IMMT: variants seen among roughly 807,000 people sequenced by gnomAD.
IMMT encodes inner membrane mitochondrial protein, also known as MICOS complex subunit MIC60.
A neutral mutation model predicts 92.7 loss-of-function variants in IMMT; 40 were observed. The ratio of observed to expected loss-of-function variants is 0.43; its 90% CI spans 0.34 to 0.56. The LOEUF is 0.56. Among genes scored for constraint, IMMT ranks in the 20% least tolerant of loss-of-function variants. The pLI, the probability that IMMT is intolerant of heterozygous loss-of-function variation, is 0.03. For synonymous variants in IMMT, 322 were observed against 336.1 expected, an observed-to-expected ratio of 0.96 and a Z score of 0.46; for missense variants, 831 against 912.1, an observed-to-expected ratio of 0.91 and a Z score of 1.14.
intron 10 of IMMT, 110 bp from the exon 11 acceptor site, chr2:86,153,684 AC>A: frequency 3.3e-6 from 2 of 598,592 alleles, no homozygotes; most frequent in Non-Finnish European, 5.7e-6. Flanking sequence ...GGAGACTAGT[AC>A]CAGGAAAAGC....
At chr2:86,179,376 C>A in intron 3 of IMMT, 57 bp downstream of exon 3, 1 of 1,373,702 alleles carries the variant, frequency 7.3e-7, no homozygotes, top group Admixed American at 2.8e-5. Flanking sequence ...AACATGAAAA[C>A]AACTTGCTTT....
intron 10 of IMMT, among the ~76,000 whole-genome samples, chr2:86,156,985 G>A (rs530644132): frequency 1.5e-4 from 23 of 152,276 alleles, no homozygotes; most frequent in African/African-American, 5.5e-4. Flanking sequence ...TCTCTCAGGT[G>A]CTCACATCTG....
At chr2:86,187,138 A>C (rs1672830683) in intron 1 of IMMT, among the ~76,000 whole-genome samples, 1 of 152,174 alleles carries the variant, frequency 6.6e-6, no homozygotes, top group African/African-American at 2.4e-5. Context: ...AACAACCATC[A>C]CCACTATCTA....
intron 13 of IMMT, among the ~76,000 whole-genome samples, 176 bp from the exon 14 acceptor site, chr2:86,146,373 ATATTT>A (rs1675013068): frequency 9.4e-6 from 1 of 106,270 alleles, no homozygotes; most frequent in Admixed American, 8.7e-5. Flanking sequence ...TGTATATAAT[ATATTT>A]TTTTTTTTTT....
At chr2:86,164,043 A>C (rs1573906980) in intron 7 of IMMT, among the ~76,000 whole-genome samples, 6 of 132,444 alleles carry the variant, frequency 4.5e-5, no homozygotes, top group Non-Finnish European at 6.4e-5. Flanking sequence ...GTGAATTCCC[A>C]CTTTAGTCAT....
chr2:86,183,308 A>AT (rs113518713), intron 1 of IMMT, among the ~76,000 whole-genome samples: 4,570 of 151,940 alleles, frequency 0.03, 209 homozygotes, highest in African/African-American at 0.1. Context: ...TCTTTAAATA[A>AT]TTTTTTTTGT....
intron 8 of IMMT, among the ~76,000 whole-genome samples, chr2:86,161,015 T>C (rs1337981835): frequency 6.6e-6 from 1 of 151,820 alleles, no homozygotes; most frequent in Non-Finnish European, 1.5e-5. Flanking sequence ...GGAGGATGGC[T>C]TGAGCCCGGG....
At chr2:86,164,599 G>T (rs1003635899) in intron 7 of IMMT, among the ~76,000 whole-genome samples, 1 of 149,454 alleles carries the variant, frequency 6.7e-6, no homozygotes, top group Non-Finnish European at 1.5e-5. Flanking sequence ...GCTAAGGCAG[G>T]AGAATTGCTT....
chr2:86,156,298 T>G (rs1172428650), intron 10 of IMMT, among the ~76,000 whole-genome samples: 1 of 152,076 alleles, frequency 6.6e-6, no homozygotes, highest in East Asian at 1.9e-4. Flanking sequence ...ATTTTCATGT[T>G]TTACGATAGG....
intron 6 of IMMT, among the ~76,000 whole-genome samples, chr2:86,167,068 A>G (rs1030971898): frequency 6.8e-6 from 1 of 147,564 alleles, no homozygotes; most frequent in Non-Finnish European, 1.5e-5. Flanking sequence ...ACTGCACTCT[A>G]GCCTGGGCGA....
intron 7 of IMMT, among the ~76,000 whole-genome samples, chr2:86,165,213 A>T (rs1676585775): frequency 6.6e-6 from 1 of 152,206 alleles, no homozygotes; most frequent in African/African-American, 2.4e-5. Context: ...GTAACATGGC[A>T]TTTAAAGCTT....
intron 11 of IMMT, among the ~76,000 whole-genome samples, chr2:86,152,374 G>A (rs189702011): frequency 3.4e-4 from 50 of 146,314 alleles, no homozygotes; most frequent in Non-Finnish European, 1.5e-5. Context: ...CCAGGAGACA[G>A]AGGTTGCAGT....
intron 11 of IMMT, among the ~76,000 whole-genome samples, chr2:86,151,865 A>T (rs1675487946): frequency 6.6e-6 from 1 of 152,234 alleles, no homozygotes; most frequent in Non-Finnish European, 1.5e-5. Context: ...TCTTTCAGGC[A>T]TAACTCTGAT....
Position 86,144,297 on chromosome 2 carries a change from T to C in IMMT, c.2248A>G (p.Ile750Val), listed in dbSNP as rs765770591. The C allele has an allele frequency of 1.7e-5, 27 of 1,613,836 alleles. No individual in the cohort carries two copies. Among genetic ancestry groups the C allele is most frequent in the Non-Finnish European group, 2.3e-5 (27 of 1,179,870 alleles). ...TCTGGCTGCACCTGAGTGGTTCCTA[T>C]TCCTACGGCGCTGGCATATGCTGTC... ...ILTAYASAVG[I>V]GTTQVQPE Residue 750 changes from isoleucine (I) to valine (V), a missense_variant, in exon 15 of 15, where the codon ATA becomes GTA. By Grantham distance (29) the Ile-to-Val change is conservative. Coordinates refer to ENST00000410111, the MANE Select transcript of IMMT (RefSeq NM_006839.3).
chr2:86,194,390 C>T (rs182479406), intron 1 of IMMT, among the ~76,000 whole-genome samples: 1 of 152,318 alleles, frequency 6.6e-6, no homozygotes, highest in East Asian at 1.9e-4. Context: ...GTTCGTTCCA[C>T]TTTCCTATGG....
chr2:86,155,054 G>T (rs1340003990), intron 10 of IMMT, among the ~76,000 whole-genome samples: 1 of 152,094 alleles, frequency 6.6e-6, no homozygotes, highest in East Asian at 1.9e-4. Flanking sequence ...GTAGAGATGG[G>T]GTTTCACCAT....
At position 86,176,434 on chromosome 2, in the gene IMMT, G is replaced by A. The variant is rs372498141; in HGVS notation, c.310-2673C>T. Among the ~76,000 whole-genome samples the A allele has an allele frequency of 6.0e-4, 92 of 152,236 alleles. 1 individual carries two copies. Among genetic ancestry groups the A allele is most frequent in the East Asian group, 5.8e-4 (3 of 5,182 alleles). On this transcript the variant is annotated intron_variant, in intron 3 of 14. Transcript: ENST00000410111. Reference sequence around the variant, plus strand: ...GAGGAAGATGGGAAAGACTGTGTGCGCATGGAGAGCAACAGGCCTAGTTCA... The same window carrying A: ...GAGGAAGATGGGAAAGACTGTGTGCACATGGAGAGCAACAGGCCTAGTTCA...
intron 6 of IMMT, among the ~76,000 whole-genome samples, chr2:86,168,871 A>G (rs1676902448): frequency 6.6e-6 from 1 of 152,210 alleles, no homozygotes; most frequent in South Asian, 2.1e-4. Context: ...GAAAGGGGCA[A>G]GGGAGAGAAA....
chr2:86,182,863 TA>T (rs67459018), intron 1 of IMMT, among the ~76,000 whole-genome samples: 7 of 127,808 alleles, frequency 5.5e-5, no homozygotes, highest in Admixed American at 7.8e-5. Flanking sequence ...CCACTCCCCT[TA>T]AAAAAAAAAA....
Sources: allele counts gnomAD v4.1 joint callset (sites outside exome capture counted in the v4.1 genomes callset), GRCh38; gene constraint gnomAD v4.1.1; transcripts MANE v1.5; gene names NCBI Gene and HGNC (gene_info 2026-07-23, HGNC 2026-07-21).